SCTR: variants seen among roughly 807,000 people sequenced by gnomAD.
The protein encoded by SCTR is pancreatic secretin receptor.
In SCTR, 56 loss-of-function variants were observed where a neutral mutation model predicts 60.8. The observed-to-expected ratio is 0.92, with a 90% CI of 0.74 to 1.15. The LOEUF (loss-of-function observed/expected upper bound fraction) is 1.15, where lower values mean the gene tolerates loss of function less well. Among genes scored for constraint, SCTR ranks in the 50% most tolerant of loss-of-function variants. SCTR has a pLI of 0.00. For synonymous variants in SCTR, 202 were observed against 217.0 expected, an observed-to-expected ratio of 0.93 and a Z score of 0.61; for missense variants, 562 against 550.4, an observed-to-expected ratio of 1.02 and a Z score of -0.21.
intron 2 of SCTR, among the ~76,000 whole-genome samples, chr2:119,491,548 G>A (rs990023472): frequency 6.6e-6 from 1 of 151,912 alleles, no homozygotes; most frequent in Non-Finnish European, 1.5e-5. Context: ...TTTCACTCTT[G>A]TTGCCCAGGC....
At chr2:119,450,928 G>T (rs891812980) in intron 9 of SCTR, among the ~76,000 whole-genome samples, 5 of 152,228 alleles carry the variant, frequency 3.3e-5, no homozygotes, top group Non-Finnish European at 7.3e-5. Context: ...GCGCCACTGC[G>T]CTCCAGCCTG....
chr2:119,484,069 A>T (rs568703125), intron 2 of SCTR, among the ~76,000 whole-genome samples: 1 of 152,268 alleles, frequency 6.6e-6, no homozygotes, highest in South Asian at 2.1e-4. Flanking sequence ...GACTAGGGTC[A>T]TCCTGGGCAG....
intron 1 of SCTR, among the ~76,000 whole-genome samples, chr2:119,497,452 T>G (rs1678395324): frequency 6.6e-6 from 1 of 151,950 alleles, no homozygotes; most frequent in South Asian, 2.1e-4. Context: ...ACCAGGAAGA[T>G]TTCAAACTGG....
At chr2:119,474,716 T>C (rs1225083712) in intron 3 of SCTR, among the ~76,000 whole-genome samples, 1 of 152,230 alleles carries the variant, frequency 6.6e-6, no homozygotes, top group Non-Finnish European at 1.5e-5. Flanking sequence ...GAGGTGCTGC[T>C]GCCCATTTTA....
At chr2:119,493,936 T>C (rs1678245321) in intron 2 of SCTR, among the ~76,000 whole-genome samples, 1 of 152,146 alleles carries the variant, frequency 6.6e-6, no homozygotes, top group Non-Finnish European at 1.5e-5. Context: ...CCACCACGCC[T>C]GGCCACCTCC....
At chr2:119,444,424 C>T (rs907707538) in intron 11 of SCTR, among the ~76,000 whole-genome samples, 4 of 37,884 alleles carry the variant, frequency 1.1e-4, no homozygotes, top group East Asian at 8.8e-4. Context: ...TACCCATATA[C>T]GTATGAATAT....
At chr2:119,473,110 AT>A (rs1428129000) in intron 4 of SCTR, among the ~76,000 whole-genome samples, 1 of 152,232 alleles carries the variant, frequency 6.6e-6, no homozygotes, top group African/African-American at 2.4e-5. Context: ...CAAGGTCGGA[AT>A]TCAGACGCAC....
At chr2:119,446,956 C>CTG in intron 10 of SCTR, 71 bp from the exon 11 acceptor site, 1 of 1,327,556 alleles carries the variant, frequency 7.5e-7, no homozygotes, top group Non-Finnish European at 9.8e-7. Flanking sequence ...AGGCACACAG[C>CTG]TGTGCCACTC....
rs555755676 is a variant in SCTR at position 119,509,059 on chromosome 2, C to T, written c.73-14511G>A. Among the ~76,000 whole-genome samples the T allele has an allele frequency of 7.9e-5, 12 of 152,284 alleles. No individual in the cohort carries two copies. The South Asian group carries it at 2.5e-3, about 32-fold the overall frequency. ...TACATATGACTCCTATCATGGTGGG[C>T]GAGGTGTACTTCTTTGCTTGGCCTT... On this transcript the variant is annotated intron_variant, in intron 1 of 12. Transcript: ENST00000019103.
chr2:119,488,233 T>C (rs528184126), intron 2 of SCTR, among the ~76,000 whole-genome samples: 114 of 152,346 alleles, frequency 7.5e-4, no homozygotes, highest in Non-Finnish European at 1.4e-3. Context: ...CTGTTTGTGA[T>C]GGGTGGGGGG....
intron 11 of SCTR, among the ~76,000 whole-genome samples, chr2:119,442,731 C>G (rs1036962394): frequency 4.6e-5 from 7 of 152,148 alleles, no homozygotes; most frequent in Non-Finnish European, 1.0e-4. Flanking sequence ...TTAGAATCAC[C>G]TGGGACCTTT....
At chr2:119,469,028 C>A (rs1676863090) in intron 4 of SCTR, among the ~76,000 whole-genome samples, 1 of 152,004 alleles carries the variant, frequency 6.6e-6, no homozygotes, top group Non-Finnish European at 1.5e-5. Context: ...AGGAAGGCTA[C>A]CATGTGACAT....
rs72833261 is a variant in SCTR, at chr2:119,440,264, G to A, written c.1183-7C>T. On this transcript the variant is annotated splice_region_variant and splice_polypyrimidine_tract_variant and intron_variant, in intron 12 of 12. Transcript: ENST00000019103. Reference sequence around the variant, plus strand: ...TCTGAACCTCCAGCTGCACCTGCCCGGGAGACCAGCCATCAGCCCAGGAGG... The same window carrying A: ...TCTGAACCTCCAGCTGCACCTGCCCAGGAGACCAGCCATCAGCCCAGGAGG... 38,174 of 1,610,828 alleles carry A rather than the reference G, an allele frequency of 0.024. 649 individuals are homozygous for A. The highest frequency in any genetic ancestry group is 0.063 in the South Asian group (5,708 of 90,496).
intron 5 of SCTR, 50 bp downstream of exon 5, chr2:119,465,739 T>G: frequency 1.6e-6 from 2 of 1,280,568 alleles, no homozygotes; most frequent in Non-Finnish European, 2.3e-6. Flanking sequence ...AGACCCAAAG[T>G]CTGTACCTGA....
rs774376455 is a variant in SCTR, at chr2:119,461,964, A to G, written c.673T>C (p.Cys225Arg). The G allele has an allele frequency of 5.0e-6, 8 of 1,613,792 alleles. No individual in the cohort carries two copies. Among genetic ancestry groups the G allele is most frequent in the Non-Finnish European group, 5.9e-6 (7 of 1,179,868 alleles). Residue 225 changes from cysteine to arginine, a missense_variant, in exon 7 of 13, where the codon TGC becomes CGC. Transcript: ENST00000019103. The stretch of plus-strand genomic sequence containing the variant: ...AGCCAGGAGTAGTTGGCCATGATGC[A>G]GTACTGGAACAGCACCATGACCAGC... ...CKLVMVLFQYCIMANYSWLLV... is the reference protein window; with the variant it reads ...CKLVMVLFQYRIMANYSWLLV...
At chr2:119,479,150 G>A in intron 2 of SCTR, 19 of 1,287,486 alleles carry the variant, frequency 1.5e-5, no homozygotes, top group Non-Finnish European at 1.9e-5. Flanking sequence ...AAGTAAGAAA[G>A]GGAGGGAGGA....
At chr2:119,440,971 T>C (rs1366089303) in intron 12 of SCTR, among the ~76,000 whole-genome samples, 1 of 152,248 alleles carries the variant, frequency 6.6e-6, no homozygotes, top group Admixed American at 6.5e-5. Context: ...CCTTAGCTCA[T>C]GTTAACCACA....
chr2:119,488,639 G>A (rs567604138), intron 2 of SCTR, among the ~76,000 whole-genome samples: 1 of 152,214 alleles, frequency 6.6e-6, no homozygotes, highest in African/African-American at 2.4e-5. Flanking sequence ...TGGGCAACAG[G>A]TTCGCAGAAG....
intron 2 of SCTR, chr2:119,486,702 T>C (rs1279753131): frequency 1.3e-5 from 2 of 152,226 alleles, no homozygotes; most frequent in African/African-American, 4.8e-5. Context: ...TGGAGCCTGT[T>C]TTCTCATCTA....
Sources: gnomAD v4.1 joint callset for allele counts (sites outside exome capture counted in the v4.1 genomes callset) on GRCh38, gnomAD v4.1.1 for gene constraint, MANE v1.5 for transcripts, NCBI Gene and HGNC (gene_info 2026-07-23, HGNC 2026-07-21) for gene names.